Variants in SLC25A21 observed in about 807,000 individuals in gnomAD.
The protein encoded by SLC25A21 is solute carrier family 25 member 21.
In SLC25A21, 47 loss-of-function variants were observed where a neutral mutation model predicts 43.8. The observed-to-expected ratio is 1.07, with a 90% CI of 0.85 to 1.37. The LOEUF is 1.37. Among genes scored for constraint, SLC25A21 ranks in the 40% most tolerant of loss-of-function variants. SLC25A21 has a pLI of 0.00. For missense variants in SLC25A21, 352 were observed against 350.2 expected (o/e 1.00, Z -0.04); for synonymous variants, 131 against 121.3 (o/e 1.08, Z -0.52).
At chr14:37,021,993 C>A (rs1300414878) in intron 1 of SLC25A21, among the ~76,000 whole-genome samples, 1 of 151,520 alleles carries the variant, frequency 6.6e-6, no homozygotes, top group Non-Finnish European at 1.5e-5. Flanking sequence ...AGTTGTATAA[C>A]AAAGGTGTGC....
intron 2 of SLC25A21, among the ~76,000 whole-genome samples, chr14:36,831,637 C>T (rs899346668): frequency 2.6e-5 from 4 of 152,100 alleles, no homozygotes; most frequent in African/African-American, 4.8e-5. Flanking sequence ...TACAGTCCCA[C>T]GTTACTTCAG....
At chr14:37,089,793 TGTTTGATA>T (rs1962550762) in intron 1 of SLC25A21, among the ~76,000 whole-genome samples, 2 of 152,350 alleles carry the variant, frequency 1.3e-5, no homozygotes, top group African/African-American at 4.8e-5. Flanking sequence ...AAAACATTCA[TGTTTGATA>T]TTTTTATGCA....
At chr14:37,032,740 T>C (rs1173113301) in intron 1 of SLC25A21, among the ~76,000 whole-genome samples, 1 of 151,886 alleles carries the variant, frequency 6.6e-6, no homozygotes, top group Non-Finnish European at 1.5e-5. Flanking sequence ...ATAATTTAAT[T>C]ATAATTGTCA....
intron 1 of SLC25A21, among the ~76,000 whole-genome samples, chr14:36,978,663 C>CA (rs1291018143): frequency 6.6e-6 from 1 of 152,154 alleles, no homozygotes; most frequent in Non-Finnish European, 1.5e-5. Context: ...ATTAAATACT[C>CA]ACATAGTTTT....
At chr14:37,091,618 CA>C (rs1199128613) in intron 1 of SLC25A21, among the ~76,000 whole-genome samples, 6 of 152,142 alleles carry the variant, frequency 3.9e-5, no homozygotes, top group Non-Finnish European at 5.9e-5. Context: ...GGAACATGTG[CA>C]TTAGATGATG....
At position 37,072,373 on chromosome 14, in the gene SLC25A21, G is replaced by A. The variant is rs540666902; in HGVS notation, c.70+99908C>T. Among the ~76,000 whole-genome samples the A allele has an allele frequency of 8.7e-4, 132 of 152,250 alleles. 1 individual carries two copies. Among genetic ancestry groups the A allele is most frequent in the African/African-American group, 3.0e-3 (126 of 41,542 alleles). ...TCAAATCAGTGAATGTTGGGAAACTGTATCTCTACCAGGTAGCCTCATACT... is the reference window on the plus strand; with the variant it reads ...TCAAATCAGTGAATGTTGGGAAACTATATCTCTACCAGGTAGCCTCATACT... On this transcript the variant is annotated intron_variant, in intron 1 of 9. Transcript: ENST00000331299.
At chr14:37,119,838 T>G (rs1376063603) in intron 1 of SLC25A21, among the ~76,000 whole-genome samples, 2 of 152,104 alleles carry the variant, frequency 1.3e-5, no homozygotes, top group African/African-American at 4.8e-5. Context: ...TAATACAGCA[T>G]CAACTACAAA....
intron 1 of SLC25A21, among the ~76,000 whole-genome samples, chr14:37,074,540 T>C (rs969590786): frequency 6.6e-6 from 1 of 152,110 alleles, no homozygotes; most frequent in African/African-American, 2.4e-5. Flanking sequence ...CCTACAAGAA[T>C]TCAAAAGGCA....
chr14:37,060,972 C>A (rs891714794), intron 1 of SLC25A21, among the ~76,000 whole-genome samples: 1 of 152,142 alleles, frequency 6.6e-6, no homozygotes, highest in African/African-American at 2.4e-5. Context: ...TTGCTATAAA[C>A]TGAAGCTGGT....
At chr14:36,758,101 C>T (rs116940727) in intron 3 of SLC25A21, among the ~76,000 whole-genome samples, 393 of 152,332 alleles carry the variant, frequency 2.6e-3, no homozygotes, top group Non-Finnish European at 3.7e-3. Flanking sequence ...GAAAGCACAC[C>T]GCAGCCACTC....
At chr14:37,163,142 G>A (rs1963975780) in intron 1 of SLC25A21, among the ~76,000 whole-genome samples, 1 of 151,618 alleles carries the variant, frequency 6.6e-6, no homozygotes, top group Non-Finnish European at 1.5e-5. Flanking sequence ...GGACAGTTGT[G>A]GGGTGGGGGG....
chr14:37,157,820 T>C (rs886240537), intron 1 of SLC25A21, among the ~76,000 whole-genome samples: 4 of 151,986 alleles, frequency 2.6e-5, no homozygotes, highest in Admixed American at 2.0e-4. Context: ...ATTCAAAGGA[T>C]AAATAAAATT....
At chr14:36,730,748 T>C (rs1369933897) in intron 4 of SLC25A21, among the ~76,000 whole-genome samples, 1 of 152,204 alleles carries the variant, frequency 6.6e-6, no homozygotes, top group East Asian at 1.9e-4. Context: ...ACTCGTTTAA[T>C]AATACTATTA....
chr14:37,137,722 G>C (rs1055786413), intron 1 of SLC25A21, among the ~76,000 whole-genome samples: 1 of 152,166 alleles, frequency 6.6e-6, no homozygotes, highest in Non-Finnish European at 1.5e-5. Flanking sequence ...CTAATCTACA[G>C]AGTGGTAATT....
At chr14:37,148,251 TA>T (rs1167802223) in intron 1 of SLC25A21, among the ~76,000 whole-genome samples, 2 of 152,238 alleles carry the variant, frequency 1.3e-5, no homozygotes, top group East Asian at 3.8e-4. Flanking sequence ...CATATATTTC[TA>T]ACTTATATAA....
At chr14:36,815,342 A>C (rs892162437) in intron 2 of SLC25A21, among the ~76,000 whole-genome samples, 2 of 152,282 alleles carry the variant, frequency 1.3e-5, no homozygotes, top group East Asian at 3.9e-4. Context: ...AAAAAAAAAA[A>C]ATACAGAGTA....
rs182607622 is a variant in SLC25A21 at position 36,943,150 on chromosome 14, A to C, written c.71-68146T>G. Reference sequence around the variant, plus strand: ...TGAGACTCTATGATTTGCTGAAGAAAGAATTCTATTATATTTTCCTACATA... The same window carrying C: ...TGAGACTCTATGATTTGCTGAAGAACGAATTCTATTATATTTTCCTACATA... On this transcript the variant is annotated intron_variant, in intron 1 of 9. Coordinates refer to ENST00000331299, the MANE Select transcript of SLC25A21 (RefSeq NM_030631.4). 7.2e-5 allele frequency among the ~76,000 whole-genome samples: 11 copies of C among 152,284 alleles called. No individual in the cohort carries two copies. The East Asian group carries it at 2.1e-3, about 29-fold the overall frequency.
At chr14:36,919,894 C>G (rs861931) in intron 1 of SLC25A21, among the ~76,000 whole-genome samples, 89,532 of 151,796 alleles carry the variant, frequency 0.59, 27,437 homozygotes, top group Non-Finnish European at 0.64. Context: ...AAAGATCTTG[C>G]CAATAAATTT....
At chr14:36,709,065 T>C (rs1883714457) in intron 7 of SLC25A21, among the ~76,000 whole-genome samples, 1 of 151,808 alleles carries the variant, frequency 6.6e-6, no homozygotes, top group African/African-American at 2.4e-5. Flanking sequence ...TGGAGTGCAA[T>C]GGCGCCAGCT....
Sources: allele counts gnomAD v4.1 joint callset (sites outside exome capture counted in the v4.1 genomes callset), GRCh38; gene constraint gnomAD v4.1.1; transcripts MANE v1.5; gene names NCBI Gene and HGNC (gene_info 2026-07-23, HGNC 2026-07-21).